Variants in ACVR2B observed in about 807,000 individuals in gnomAD.
ACVR2B encodes the protein activin receptor type-2B.
Under a neutral mutation model 65.1 loss-of-function variants are expected in ACVR2B, and 18 were observed. The observed-to-expected ratio is 0.28, with a 90% CI of 0.19 to 0.41. The LOEUF (loss-of-function observed/expected upper bound fraction) is 0.41, where lower values mean the gene tolerates loss of function less well. Ranked by LOEUF, ACVR2B falls within the 10% of genes least tolerant of loss-of-function variation. The probability of loss-of-function intolerance (pLI) is 1.00; values close to 1 mark genes in which losing one functional copy is unlikely to be tolerated. For synonymous variants in ACVR2B, 298 were observed against 277.7 expected, an observed-to-expected ratio of 1.07 and a Z score of -0.73; for missense variants, 482 against 682.7, an observed-to-expected ratio of 0.71 and a Z score of 3.28.
chr3:38,463,528 G>T (rs1196805775), intron 1 of ACVR2B, among the ~76,000 whole-genome samples: 1 of 152,164 alleles, frequency 6.6e-6, no homozygotes, highest in Non-Finnish European at 1.5e-5. Flanking sequence ...AGAAGACTTA[G>T]GGAAGATAGT....
chr3:38,478,900 TA>T (rs748292628), intron 5 of ACVR2B, among the ~76,000 whole-genome samples: 1 of 152,062 alleles, frequency 6.6e-6, no homozygotes, highest in Non-Finnish European at 1.5e-5. Flanking sequence ...GTGCTAGCCT[TA>T]AGTGATCTCA....
chr3:38,472,261 C>T (rs904952479), intron 1 of ACVR2B, among the ~76,000 whole-genome samples: 1 of 152,114 alleles, frequency 6.6e-6, no homozygotes, highest in Non-Finnish European at 1.5e-5. Context: ...ATGGATAAGT[C>T]ACTGCTCTTG....
chr3:38,454,507 G>A (rs1709508792), intron 1 of ACVR2B, 133 bp downstream of exon 1: 2 of 830,568 alleles, frequency 2.4e-6, no homozygotes, highest in African/African-American at 3.6e-5. Flanking sequence ...CCTCACCTCC[G>A]GGGGCGTGGG....
intron 1 of ACVR2B, among the ~76,000 whole-genome samples, chr3:38,455,590 A>C (rs7645704): frequency 0.1 from 15,414 of 152,004 alleles, 1,120 homozygotes; most frequent in Middle Eastern, 0.21. Flanking sequence ...CGTGAGGCTT[A>C]GTTTACACCG....
chr3:38,469,261 G>T (rs1179368309), intron 1 of ACVR2B, among the ~76,000 whole-genome samples: 2 of 152,202 alleles, frequency 1.3e-5, no homozygotes. Context: ...ACAAGAAGGA[G>T]CTGGAAACTA....
At chr3:38,459,156 C>T (rs9809948) in intron 1 of ACVR2B, among the ~76,000 whole-genome samples, 1 of 152,108 alleles carries the variant, frequency 6.6e-6, no homozygotes, top group Non-Finnish European at 1.5e-5. Flanking sequence ...TCCATCCCCC[C>T]ACTCTGGATG....
In ACVR2B at chr3:38,481,492, G is replaced by A. The variant is rs544346287; in HGVS notation, c.1074+27G>A. ...TAACAGGCCTCACAGGGCAGGAAGA[G>A]AGGGACAGACCCAGGGTAGATACTT... On this transcript the variant is annotated intron_variant, in intron 8 of 10. Coordinates refer to ENST00000352511, the MANE Select transcript of ACVR2B (RefSeq NM_001106.4). The surrounding 1 kb of genome is among the most constrained non-coding windows in gnomAD (Gnocchi z 4.7). 3 of 1,589,086 alleles carry A rather than the reference G, an allele frequency of 1.9e-6. No individual in the cohort carries two copies. The African/African-American group carries it at 4.0e-5, about 21-fold the overall frequency.
At chr3:38,459,654 G>A in intron 1 of ACVR2B, 1 of 985,434 alleles carries the variant, frequency 1.0e-6, no homozygotes, top group Non-Finnish European at 1.2e-6. Context: ...CCCCAGGCCG[G>A]GGACACCAGG....
At position 38,492,731 on chromosome 3, in the gene ACVR2B, T is replaced by TACACACACACACACACACACACAC. The variant is rs55986551; in HGVS notation, c.*9449_*9472dup. The TACACACACACACACACACACACAC allele has an allele frequency of 8.0e-6, 1 of 124,790 alleles. No individual in the cohort carries two copies. 7.7% of individuals were successfully genotyped at this position (124,790 alleles called of 1,614,324 possible). A position where few individuals can be genotyped will look rare whatever the true frequency, so the allele number is the denominator to read the frequency against. On this transcript the variant is annotated 3_prime_UTR_variant, in exon 11 of 11. Coordinates refer to ENST00000352511, the MANE Select transcript of ACVR2B (RefSeq NM_001106.4). ...AGTGTGCTGATTTATATATATATAT[T>TACACACACACACACACACACACAC]ACACACACACACACACACACACACA... is the stretch of plus-strand genomic sequence containing the variant.
intron 1 of ACVR2B, among the ~76,000 whole-genome samples, chr3:38,469,401 C>T (rs900858710): frequency 9.2e-5 from 14 of 152,062 alleles, no homozygotes; most frequent in African/African-American, 3.4e-4. Flanking sequence ...AGACTGAGGC[C>T]TTTGCATGGC....
At chr3:38,467,125 A>G (rs1709743642) in intron 1 of ACVR2B, among the ~76,000 whole-genome samples, 1 of 152,190 alleles carries the variant, frequency 6.6e-6, no homozygotes, top group African/African-American at 2.4e-5. Context: ...AGGGTAACCA[A>G]AGGATAGATT....
In ACVR2B at chr3:38,489,854, T is replaced by G. The variant is rs1710182974; in HGVS notation, c.*6522T>G. 1 of 152,150 alleles carries G rather than the reference T, an allele frequency of 6.6e-6. No homozygotes were observed. 9.4% of individuals were successfully genotyped at this position (152,150 alleles called of 1,614,324 possible). On this transcript the variant is annotated 3_prime_UTR_variant, in exon 11 of 11. Coordinates refer to ENST00000352511, the MANE Select transcript of ACVR2B (RefSeq NM_001106.4). ...AGGTTGGGGGGCAGAATTACCCAGTTAAGTAATTGTTCAGAAAAGTGGGGA... is the reference window on the plus strand; with the variant it reads ...AGGTTGGGGGGCAGAATTACCCAGTGAAGTAATTGTTCAGAAAAGTGGGGA...
At position 38,478,999 on chromosome 3, in the gene ACVR2B, G is replaced by A. The variant is rs1310993142; in HGVS notation, c.667-129G>A. On this transcript the variant is annotated intron_variant, in intron 5 of 10. Transcript: ENST00000352511. ...TACAAATGCTGAAGCTGGGAGGCTGGGGGGTGGGGATTGGGCTGGGAGGCT... is the reference window on the plus strand; with the variant it reads ...TACAAATGCTGAAGCTGGGAGGCTGAGGGGTGGGGATTGGGCTGGGAGGCT... 10 of 1,240,626 alleles carry A rather than the reference G, an allele frequency of 8.1e-6. No individual in the cohort carries two copies. In the African/African-American group the frequency reaches 8.9e-5, roughly 11 times the overall value. The allele number at this position is 1,240,626 out of a possible 1,614,324, so 76.9% of individuals were successfully genotyped here. A position where few individuals can be genotyped will look rare whatever the true frequency, so the allele number is the denominator to read the frequency against.
At chr3:38,465,855 C>T (rs1412294111) in intron 1 of ACVR2B, among the ~76,000 whole-genome samples, 3 of 152,214 alleles carry the variant, frequency 2.0e-5, no homozygotes, top group Non-Finnish European at 2.9e-5. Flanking sequence ...AAATCCACAT[C>T]TATTTCCATC....
chr3:38,479,102 C>T, intron 5 of ACVR2B, 26 bp from the exon 6 acceptor site: 2 of 1,613,768 alleles, frequency 1.2e-6, no homozygotes, highest in South Asian at 1.1e-5. Context: ...CCACTTGTCC[C>T]CCCAACCCCT....
At position 38,478,208 on chromosome 3, in the gene ACVR2B, C is replaced by T. The variant is rs202022139; in HGVS notation, c.438C>T (p.Ile146=). ...LTVLAYSLLP[I]GGLSLIVLLA... ...TGCTGGCCTACTCACTGCTGCCCAT[C>T]GGGGGCCTTTCCCTCATCGTCCTGC... The change falls in exon 4 of 11, where the codon ATC becomes ATT. Residue 146 remains isoleucine, a synonymous_variant. Coordinates refer to ENST00000352511, the MANE Select transcript of ACVR2B (RefSeq NM_001106.4). 25 of 1,614,066 alleles carry T rather than the reference C, an allele frequency of 1.5e-5. No individual in the cohort carries two copies. In the East Asian group the frequency reaches 2.2e-4, roughly 14 times the overall value.
rs971663776 is a variant in ACVR2B, at chr3:38,477,853, G to A, written c.261-8G>A. On this transcript the variant is annotated splice_polypyrimidine_tract_variant and splice_region_variant and intron_variant, in intron 2 of 10. Transcript: ENST00000352511. This position sits in a 1 kb window ranked among gnomAD's most constrained non-coding sequence, Gnocchi z 6.7. Reference sequence around the variant, plus strand: ...GTGAGGGGTATATGGAAAATTCTGTGCCTCCAGGCAGGAGTGTGTGGCCAC... The same window carrying A: ...GTGAGGGGTATATGGAAAATTCTGTACCTCCAGGCAGGAGTGTGTGGCCAC... The A allele has an allele frequency of 2.5e-6, 4 of 1,613,960 alleles. No individual in the cohort carries two copies. The Admixed American group carries it at 6.7e-5, about 27-fold the overall frequency.
intron 1 of ACVR2B, among the ~76,000 whole-genome samples, chr3:38,472,323 G>T (rs1215025692): frequency 1.3e-5 from 2 of 152,172 alleles, no homozygotes; most frequent in South Asian, 4.1e-4. Context: ...AGGCAGCTGA[G>T]CAGACTCAGG....
rs1304176288 is a variant in ACVR2B at position 38,483,053 on chromosome 3, A to G, written c.1345-85A>G. ...GGTGGGCTCTGCCTGATCCTTGGGA[A>G]TATCAAGTTTACTGTCCCCCAAAGC... On this transcript the variant is annotated intron_variant, in intron 10 of 10. Coordinates refer to ENST00000352511, the MANE Select transcript of ACVR2B (RefSeq NM_001106.4). The surrounding 1 kb of genome is among the most constrained non-coding windows in gnomAD (Gnocchi z 4.8). 6.7e-6 allele frequency: 10 copies of G among 1,496,266 alleles called. No individual in the cohort carries two copies. Among genetic ancestry groups the G allele is most frequent in the Admixed American group, 5.0e-5 (3 of 59,832 alleles). The allele number at this position is 1,496,266 out of a possible 1,614,324, so 92.7% of individuals were successfully genotyped here.
Sources: allele counts gnomAD v4.1 joint callset (sites outside exome capture counted in the v4.1 genomes callset), GRCh38; gene constraint gnomAD v4.1.1; non-coding constraint Gnocchi (gnomAD v3.1); transcripts MANE v1.5; gene names NCBI Gene and HGNC (gene_info 2026-07-23, HGNC 2026-07-21).